SLC2A11: variants seen among roughly 807,000 people sequenced by gnomAD.
The protein encoded by SLC2A11 is solute carrier family 2, facilitated glucose transporter member 11.
A neutral mutation model predicts 52.1 loss-of-function variants in SLC2A11; 43 were observed. The observed-to-expected ratio is 0.82, with a 90% CI of 0.65 to 1.06. SLC2A11 has a LOEUF of 1.06. Among genes scored for constraint, SLC2A11 ranks in the 50% least tolerant of loss-of-function variants. SLC2A11 has a pLI of 0.00. For missense variants in SLC2A11, 582 were observed against 654.2 expected (o/e 0.89, Z 1.20); for synonymous variants, 261 against 277.6 (o/e 0.94, Z 0.59).
Position 23,884,550 on chromosome 22 carries a change from C to T in SLC2A11, c.1300-99C>T. ...CTGAAAGGGAGGGGTCTTAGGGGAGCAAAGAGGGGGGCAAATGCCTCCTCA... is the reference window on the plus strand; with the variant it reads ...CTGAAAGGGAGGGGTCTTAGGGGAGTAAAGAGGGGGGCAAATGCCTCCTCA... On this transcript the variant is annotated intron_variant, in intron 11 of 11. Transcript: ENST00000316185. The surrounding 1 kb of genome is among the most constrained non-coding windows in gnomAD (Gnocchi z 4.3). The T allele has an allele frequency of 4.5e-6, 7 of 1,542,550 alleles. No homozygotes were observed. Among genetic ancestry groups the T allele is most frequent in the Non-Finnish European group, 6.1e-6 (7 of 1,141,844 alleles).
At chr22:23,883,643 A>G in intron 8 of SLC2A11, 129 bp from the exon 9 acceptor site, 3 of 701,508 alleles carry the variant, frequency 4.3e-6, no homozygotes, top group Non-Finnish European at 6.8e-6. Context: ...AAATTAATAA[A>G]GTCACACTGA....
chr22:23,882,604 C>T lies in SLC2A11; in HGVS notation c.840C>T (p.Leu280=), dbSNP rs767171803. ...HRALRRQVTS[L]VVLGSAMELC... ...CCCTGAGGAGACAGGTGACAAGCCTCGTGGTTCTGGGCAGTGCCATGGAGC... is the reference window on the plus strand; with the variant it reads ...CCCTGAGGAGACAGGTGACAAGCCTTGTGGTTCTGGGCAGTGCCATGGAGC... Residue 280 remains leucine, a synonymous_variant, in exon 7 of 12, where the codon CTC becomes CTT. Coordinates refer to ENST00000316185, the MANE Select transcript of SLC2A11 (RefSeq NM_001024939.4). 1.8e-5 allele frequency: 29 copies of T among 1,613,340 alleles called. No homozygotes were observed. The highest frequency in any genetic ancestry group is 1.6e-4 in the East Asian group (7 of 44,866).
intron 2 of SLC2A11, chr22:23,865,923 T>A (rs2032245717): frequency 6.6e-6 from 1 of 152,252 alleles, no homozygotes; most frequent in Non-Finnish European, 1.5e-5. Flanking sequence ...CCGAACACTT[T>A]GAGAGGCCGA....
chr22:23,882,948 C>G (rs2032879317), intron 8 of SLC2A11, 79 bp downstream of exon 8: 1 of 1,290,318 alleles, frequency 7.8e-7, no homozygotes. Flanking sequence ...CCAGTTTACA[C>G]TCCAGCTTAT....
Position 23,868,608 on chromosome 22 carries a change from T to C in SLC2A11, c.257T>C (p.Leu86Pro). ...LYPLGGLFGALLAGPLAITLG... is the reference protein window; with the variant it reads ...LYPLGGLFGAPLAGPLAITLG... The stretch of plus-strand genomic sequence containing the variant: ...CCCCTGGGAGGCCTCTTTGGAGCAC[T>C]GCTTGCAGGTCCCTTGGCCATCACG... Residue 86 changes from leucine to proline, a missense_variant, in exon 3 of 12, where the codon CTG (leucine) becomes CCG (proline). Transcript: ENST00000316185. 6.2e-7 allele frequency: 1 copy of C among 1,614,208 alleles called. No homozygotes were observed. The highest frequency in any genetic ancestry group is 1.3e-5 in the African/African-American group (1 of 75,058).
chr22:23,857,528 G>T, upstream of SLC2A11: 1 of 1,612,840 alleles, frequency 6.2e-7, no homozygotes, highest in South Asian at 1.1e-5. Flanking sequence ...GGCCTCGGAC[G>T]CAGGTGAGCT....
chr22:23,875,955 G>A (rs987127700), intron 4 of SLC2A11, among the ~76,000 whole-genome samples: 3 of 152,244 alleles, frequency 2.0e-5, no homozygotes, highest in African/African-American at 7.2e-5. Flanking sequence ...GGTTGGCTGG[G>A]GCTGGAGGAT....
At chr22:23,872,365 T>G (rs547802814) in intron 3 of SLC2A11, 4 of 151,990 alleles carry the variant, frequency 2.6e-5, no homozygotes, top group South Asian at 4.2e-4. Flanking sequence ...TATATATATG[T>G]ATATGGATAG....
Position 23,885,025 on chromosome 22 carries a change from G to C in SLC2A11, c.*176G>C. On this transcript the variant is annotated 3_prime_UTR_variant, in exon 12 of 12. Coordinates refer to ENST00000316185, the MANE Select transcript of SLC2A11 (RefSeq NM_001024939.4). ...ATCAATGGTGAGCGTGGTATTCCAG[G>C]CTAAAGGTAATTAACTGACAGAAAA... is the stretch of plus-strand genomic sequence containing the variant. 1 of 591,422 alleles carries C rather than the reference G, an allele frequency of 1.7e-6. No individual in the cohort carries two copies. The highest frequency in any genetic ancestry group is 1.9e-5 in the African/African-American group (1 of 53,500). The allele number at this position is 591,422 out of a possible 1,614,324, so 36.6% of individuals were successfully genotyped here.
At chr22:23,867,511 A>C in intron 2 of SLC2A11, 1 of 331,348 alleles carries the variant, frequency 3.0e-6, no homozygotes, top group Non-Finnish European at 6.1e-6. Context: ...GAATTTCTTG[A>C]GTGATAGGAG....
At chr22:23,870,314 G>A in intron 3 of SLC2A11, 1 of 451,332 alleles carries the variant, frequency 2.2e-6, no homozygotes. Context: ...TAAAGCAAAT[G>A]TCTGTTCCCC....
intron 2 of SLC2A11, chr22:23,867,441 G>A (rs901489607): frequency 8.6e-6 from 2 of 231,538 alleles, no homozygotes; most frequent in East Asian, 1.1e-4. Context: ...GAGGTGATAC[G>A]CCCATCTCGG....
rs535160729 is a variant in SLC2A11, at chr22:23,884,793, C to G, written c.1444C>G (p.Arg482Gly). The G allele has an allele frequency of 1.2e-6, 2 of 1,614,072 alleles. No individual in the cohort carries two copies. Among genetic ancestry groups the G allele is most frequent in the Admixed American group, 3.3e-5 (2 of 60,004 alleles). ...ATTACACAGACTCAACTTCCCCAGG[C>G]GGGCCCAGGGCCCCACGTGGAGGAG... ...KELHRLNFPRRAQGPTWRSLE... is the reference protein window; with the variant it reads ...KELHRLNFPRGAQGPTWRSLE... The change falls in exon 12 of 12, where the codon CGG (arginine) becomes GGG (glycine). Residue 482 changes from arginine (R) to glycine (G), a missense_variant. Transcript: ENST00000316185. This position sits in a 1 kb window ranked among gnomAD's most constrained non-coding sequence, Gnocchi z 4.3.
In SLC2A11 at chr22:23,883,973, C is replaced by T. The variant is rs2032916920; in HGVS notation, c.1120C>T (p.Leu374=). The change falls in exon 10 of 12, where the codon CTG becomes TTG. Residue 374 remains leucine, a synonymous_variant. Coordinates refer to ENST00000316185, the MANE Select transcript of SLC2A11 (RefSeq NM_001024939.4). ...GAGCTCCTTCCCCTGGACACTCTAC[C>T]TGGCCATGGCCTGCATCTTTGCCTT... ...LQSSFPWTLY[L]AMACIFAFIL... is the part of the protein sequence containing the mutation. 4 of 1,613,416 alleles carry T rather than the reference C, an allele frequency of 2.5e-6. No individual in the cohort carries two copies. Among genetic ancestry groups the T allele is most frequent in the Non-Finnish European group, 3.4e-6 (4 of 1,179,856 alleles).
intron 2 of SLC2A11, among the ~76,000 whole-genome samples, chr22:23,863,920 C>T (rs1160807954): frequency 3.3e-5 from 5 of 152,058 alleles, no homozygotes; most frequent in East Asian, 1.9e-4. Flanking sequence ...CATGAGCCAC[C>T]GTGCCCAGCT....
Position 23,877,846 on chromosome 22 carries a change from G to C in SLC2A11, c.671G>C (p.Gly224Ala), listed in dbSNP as rs567545408. 3 of 1,613,060 alleles carry C rather than the reference G, an allele frequency of 1.9e-6. No individual in the cohort carries two copies. The African/African-American group carries it at 4.0e-5, about 22-fold the overall frequency. ...ESPRYLLIDC[G>A]DTEACLAALR... is the part of the protein sequence containing the mutation. ...CCGCGCTACCTCCTCATTGACTGTG[G>C]AGACACCGAGGCCTGCCTGGCAGGT... Residue 224 changes from glycine to alanine, a missense_variant, in exon 6 of 12, where the codon GGA (glycine) becomes GCA (alanine). Physicochemically the swap from Gly to Ala is moderately conservative, Grantham distance 60. Transcript: ENST00000316185.
At chr22:23,878,553 C>T (rs1460352565) in intron 6 of SLC2A11, among the ~76,000 whole-genome samples, 2 of 152,182 alleles carry the variant, frequency 1.3e-5, no homozygotes, top group Non-Finnish European at 2.9e-5. Context: ...TTGGTTCCCT[C>T]GTGCCATTAA....
intron 3 of SLC2A11, among the ~76,000 whole-genome samples, chr22:23,874,280 T>C (rs1470958535): frequency 6.6e-6 from 1 of 152,136 alleles, no homozygotes; most frequent in Non-Finnish European, 1.5e-5. Context: ...AGAAATTACA[T>C]ATTAGTACCT....
Position 23,857,930 on chromosome 22 carries a change from C to G in SLC2A11, c.-70C>G. ...CTTCCCTCCGCGCACAGGCTGCCGG[C>G]TCACCGCTTGCTAATGGCAGCCGGG... On this transcript the variant is annotated 5_prime_UTR_variant, in exon 1 of 12. Transcript: ENST00000316185. 6.3e-7 allele frequency: 1 copy of G among 1,591,026 alleles called. No individual in the cohort carries two copies. The highest frequency in any genetic ancestry group is 8.5e-7 in the Non-Finnish European group (1 of 1,169,970).
Sources: gnomAD v4.1 joint callset for allele counts (sites outside exome capture counted in the v4.1 genomes callset) on GRCh38, gnomAD v4.1.1 for gene constraint, Gnocchi (gnomAD v3.1) non-coding constraint, MANE v1.5 for transcripts, NCBI Gene and HGNC (gene_info 2026-07-23, HGNC 2026-07-21) for gene names.